Variants in HIPK2 observed in about 807,000 individuals in gnomAD.
HIPK2 encodes the protein homeodomain-interacting protein kinase 2.
A neutral mutation model predicts 113.7 loss-of-function variants in HIPK2; 27 were observed. That is an observed-to-expected ratio of 0.24 (90% CI 0.17 to 0.33). The LOEUF is 0.33. Ranked by LOEUF, HIPK2 falls within the 10% of genes least tolerant of loss-of-function variation. HIPK2 has a pLI of 1.00. For synonymous variants in HIPK2, 631 were observed against 642.2 expected, an observed-to-expected ratio of 0.98 and a Z score of 0.26; for missense variants, 1,257 against 1,588.0, an observed-to-expected ratio of 0.79 and a Z score of 3.54.
At chr7:139,724,075 C>A (rs1009207772) in intron 1 of HIPK2, among the ~76,000 whole-genome samples, 2 of 131,818 alleles carry the variant, frequency 1.5e-5, no homozygotes, top group African/African-American at 5.6e-5. Flanking sequence ...AATGCCATAT[C>A]TGTCTAATAT....
rs187380781 is a variant in HIPK2, at chr7:139,750,015, C to T, written c.19+27590G>A. Among the ~76,000 whole-genome samples the T allele has an allele frequency of 2.2e-3, 339 of 152,332 alleles. 3 individuals carry two copies. Among genetic ancestry groups the T allele is most frequent in the African/African-American group, 7.8e-3 (325 of 41,566 alleles). ...CATCGCTGACCGCTCTCCAACCTCC[C>T]GTCCAGACCTGCCTCTGTCTATCTG... On this transcript the variant is annotated intron_variant, in intron 1 of 14. Transcript: ENST00000406875.
At chr7:139,739,544 A>G (rs1017222626) in intron 1 of HIPK2, among the ~76,000 whole-genome samples, 2 of 151,592 alleles carry the variant, frequency 1.3e-5, no homozygotes, top group Middle Eastern at 3.2e-3. Context: ...CCAAGATTGT[A>G]CTGCTGCACT....
chr7:139,637,349 C>A (rs1425263222), intron 2 of HIPK2, among the ~76,000 whole-genome samples: 3 of 152,236 alleles, frequency 2.0e-5, no homozygotes, highest in African/African-American at 7.2e-5. Flanking sequence ...GGACCCTGCC[C>A]ACCTCTCCAC....
chr7:139,597,423 G>A (rs1799261833), intron 11 of HIPK2, among the ~76,000 whole-genome samples: 1 of 152,156 alleles, frequency 6.6e-6, no homozygotes, highest in African/African-American at 2.4e-5. Context: ...TTGTTTTGGG[G>A]GTGGTGGAAG....
chr7:139,762,150 T>C (rs1796475657), intron 1 of HIPK2, among the ~76,000 whole-genome samples: 1 of 152,222 alleles, frequency 6.6e-6, no homozygotes, highest in South Asian at 2.1e-4. Flanking sequence ...GGCCTGTCCA[T>C]CAGTGGCATG....
intron 2 of HIPK2, among the ~76,000 whole-genome samples, chr7:139,659,639 T>C (rs773883002): frequency 5.3e-5 from 8 of 152,374 alleles, no homozygotes; most frequent in Non-Finnish European, 1.0e-4. Context: ...CTTTATTCCC[T>C]GTCCTTGGCC....
chr7:139,640,070 C>T (rs946839583), intron 2 of HIPK2, among the ~76,000 whole-genome samples: 3 of 152,140 alleles, frequency 2.0e-5, no homozygotes, highest in Non-Finnish European at 4.4e-5. Flanking sequence ...GCTACAGCTC[C>T]ACCCCATGGA....
chr7:139,726,299 G>A (rs943757286), intron 1 of HIPK2, among the ~76,000 whole-genome samples: 1 of 152,128 alleles, frequency 6.6e-6, no homozygotes, highest in African/African-American at 2.4e-5. Context: ...AGGGGGACCC[G>A]GACTAAGGAA....
intron 1 of HIPK2, among the ~76,000 whole-genome samples, chr7:139,762,346 A>G (rs1796479212): frequency 6.6e-6 from 1 of 152,228 alleles, no homozygotes; most frequent in African/African-American, 2.4e-5. Flanking sequence ...AGCAAAGTCA[A>G]TTTTTAAGAG....
chr7:139,634,275 C>T (rs1373390184), intron 2 of HIPK2, among the ~76,000 whole-genome samples: 3 of 152,048 alleles, frequency 2.0e-5, no homozygotes, highest in Non-Finnish European at 2.9e-5. Flanking sequence ...ATGAACCTTC[C>T]GTTGTCCCCA....
At chr7:139,744,767 A>G (rs757001924) in intron 1 of HIPK2, among the ~76,000 whole-genome samples, 5 of 152,152 alleles carry the variant, frequency 3.3e-5, no homozygotes, top group Non-Finnish European at 7.3e-5. Context: ...AGTGGATTTT[A>G]ACTAGGTTTG....
rs1163802598 is a variant in HIPK2 at position 139,631,036 on chromosome 7, T to G, written c.1347+129A>C. 4.9e-6 allele frequency: 6 copies of G among 1,233,694 alleles called. No individual in the cohort carries two copies. In the East Asian group the frequency reaches 1.5e-4, roughly 32 times the overall value. The allele number at this position is 1,233,694 out of a possible 1,614,324, so 76.4% of individuals were successfully genotyped here. ...TGAGCATTCAGATTCAGCCATACCA[T>G]GTATTAACAACAGCACCCCCAGTGC... On this transcript the variant is annotated intron_variant, in intron 4 of 14. Coordinates refer to ENST00000406875, the MANE Select transcript of HIPK2 (RefSeq NM_022740.5). The surrounding 1 kb of genome is among the most constrained non-coding windows in gnomAD (Gnocchi z 4.9).
At chr7:139,686,766 T>C (rs534254585) in intron 2 of HIPK2, among the ~76,000 whole-genome samples, 2 of 152,352 alleles carry the variant, frequency 1.3e-5, no homozygotes, top group South Asian at 2.1e-4. Flanking sequence ...GAGAACAGAC[T>C]AATACAATAT....
chr7:139,727,938 T>TC (rs1795636553), intron 1 of HIPK2, among the ~76,000 whole-genome samples: 1 of 96,818 alleles, frequency 1.0e-5, no homozygotes, highest in African/African-American at 4.2e-5. Context: ...TTGGCTAATT[T>TC]TTTTTTTTTT....
At chr7:139,738,007 CAT>C (rs1258081834) in intron 1 of HIPK2, among the ~76,000 whole-genome samples, 2 of 152,188 alleles carry the variant, frequency 1.3e-5, no homozygotes, top group African/African-American at 2.4e-5. Flanking sequence ...TCCATCTGCA[CAT>C]GAGTTAGAGA....
intron 2 of HIPK2, among the ~76,000 whole-genome samples, chr7:139,651,241 G>A (rs1801447505): frequency 6.6e-6 from 1 of 152,176 alleles, no homozygotes; most frequent in Non-Finnish European, 1.5e-5. Context: ...AACACAGCCT[G>A]AGGAGGACTT....
At chr7:139,686,373 G>A in intron 2 of HIPK2, among the ~76,000 whole-genome samples, 1 of 152,214 alleles carries the variant, frequency 6.6e-6, no homozygotes, top group Non-Finnish European at 1.5e-5. Context: ...GAATATTGTT[G>A]AAATGATAAC....
At chr7:139,643,396 A>ACACACACACACAC (rs1432662320) in intron 2 of HIPK2, among the ~76,000 whole-genome samples, 1 of 152,016 alleles carries the variant, frequency 6.6e-6, no homozygotes, top group Non-Finnish European at 1.5e-5. Context: ...ACACACACAC[A>ACACACACACACAC]CACACACACA....
At chr7:139,717,350 C>T (rs976022697) in intron 1 of HIPK2, among the ~76,000 whole-genome samples, 1 of 152,176 alleles carries the variant, frequency 6.6e-6, no homozygotes, top group African/African-American at 2.4e-5. Context: ...TCAGTTCTCC[C>T]TGGGTTGCTT....
Sources: allele counts gnomAD v4.1 joint callset (sites outside exome capture counted in the v4.1 genomes callset), GRCh38; gene constraint gnomAD v4.1.1; non-coding constraint Gnocchi (gnomAD v3.1); transcripts MANE v1.5; gene names NCBI Gene and HGNC (gene_info 2026-07-23, HGNC 2026-07-21).